Variants in DLGAP1 observed in about 807,000 individuals in gnomAD.
DLGAP1 encodes disks large-associated protein 1.
A neutral mutation model predicts 90.8 loss-of-function variants in DLGAP1; 11 were observed. The ratio of observed to expected loss-of-function variants is 0.12; its 90% confidence interval spans 0.08 to 0.20. The LOEUF (loss-of-function observed/expected upper bound fraction) is 0.20, where lower values mean the gene tolerates loss of function less well. DLGAP1 is among the 10% of genes least tolerant of loss of function. DLGAP1 has a pLI of 1.00. For synonymous variants in DLGAP1, 558 were observed against 540.7 expected (o/e 1.03, Z -0.44); for missense variants, 1,050 against 1,333.8 (o/e 0.79, Z 3.31).
intron 6 of DLGAP1, among the ~76,000 whole-genome samples, chr18:3,741,434 CCAT>C (rs993230064): frequency 4.0e-5 from 6 of 151,896 alleles, no homozygotes; most frequent in African/African-American, 7.3e-5. Flanking sequence ...ACCACCATCA[CCAT>C]CATCACTGCC....
At chr18:4,391,898 C>A (rs186097808) in intron 1 of DLGAP1, among the ~76,000 whole-genome samples, 16 of 152,290 alleles carry the variant, frequency 1.1e-4, no homozygotes, top group Admixed American at 9.8e-4. Flanking sequence ...ACCGTACCCT[C>A]TTTATTTGGT....
chr18:4,352,635 T>G (rs959780167), intron 1 of DLGAP1, among the ~76,000 whole-genome samples: 4 of 152,114 alleles, frequency 2.6e-5, no homozygotes, highest in Admixed American at 1.3e-4. Context: ...TTACCCACAC[T>G]TGACAACTTG....
At chr18:4,208,065 G>T (rs1288690174) in intron 1 of DLGAP1, among the ~76,000 whole-genome samples, 2 of 152,118 alleles carry the variant, frequency 1.3e-5, no homozygotes, top group Non-Finnish European at 2.9e-5. Context: ...TTCAGTGAAA[G>T]TACAGCTGCA....
At chr18:3,557,201 C>T (rs2053804218) in intron 9 of DLGAP1, among the ~76,000 whole-genome samples, 1 of 152,140 alleles carries the variant, frequency 6.6e-6, no homozygotes, top group Admixed American at 6.6e-5. Flanking sequence ...CTAACCACTG[C>T]TTTTGCCTCA....
At chr18:3,958,460 C>CAAAAAAAAA (rs71160925) in intron 3 of DLGAP1, among the ~76,000 whole-genome samples, 1 of 97,226 alleles carries the variant, frequency 1.0e-5, no homozygotes, top group African/African-American at 3.9e-5. Context: ...TTAGGATAAG[C>CAAAAAAAAA]AAAAAAAAAA....
chr18:4,042,524 T>C (rs2074990647), intron 2 of DLGAP1, among the ~76,000 whole-genome samples: 1 of 152,102 alleles, frequency 6.6e-6, no homozygotes, highest in Admixed American at 6.6e-5. Flanking sequence ...GATCACCTGA[T>C]GTCAGGAGTT....
At chr18:4,001,418 C>T (rs899899147) in intron 3 of DLGAP1, among the ~76,000 whole-genome samples, 2 of 151,940 alleles carry the variant, frequency 1.3e-5, no homozygotes, top group Non-Finnish European at 2.9e-5. Context: ...TTATTGTCTG[C>T]GGAGACATTA....
chr18:4,008,170 G>C (rs1327452558), intron 2 of DLGAP1, among the ~76,000 whole-genome samples: 1 of 151,646 alleles, frequency 6.6e-6, no homozygotes, highest in Admixed American at 6.6e-5. Context: ...CTCAGTGGAT[G>C]CCTGATGCCC....
chr18:3,842,962 G>A (rs1384858573), intron 4 of DLGAP1, among the ~76,000 whole-genome samples: 1 of 152,170 alleles, frequency 6.6e-6, no homozygotes, highest in African/African-American at 2.4e-5. Context: ...ACAAGGATGA[G>A]CTTCACGTGT....
chr18:3,911,222 T>C (rs2072026508), intron 3 of DLGAP1, among the ~76,000 whole-genome samples: 1 of 152,216 alleles, frequency 6.6e-6, no homozygotes, highest in Non-Finnish European at 1.5e-5. Context: ...GAAGTCTGGA[T>C]CTTATACATA....
intron 1 of DLGAP1, among the ~76,000 whole-genome samples, chr18:4,272,034 T>C (rs1232501601): frequency 3.9e-5 from 6 of 152,214 alleles, no homozygotes; most frequent in African/African-American, 1.4e-4. Context: ...TTTTCTTTCA[T>C]GACTGTATTC....
chr18:4,201,108 G>A (rs1568447705), intron 1 of DLGAP1, among the ~76,000 whole-genome samples: 2 of 149,012 alleles, frequency 1.3e-5, no homozygotes, highest in Non-Finnish European at 2.9e-5. Flanking sequence ...TTGTCTTTCT[G>A]TTGACGACTT....
At chr18:4,140,660 T>G (rs1446913391) in intron 2 of DLGAP1, among the ~76,000 whole-genome samples, 1 of 152,048 alleles carries the variant, frequency 6.6e-6, no homozygotes, top group African/African-American at 2.4e-5. Context: ...TGATTTATTG[T>G]TGCTCATCAA....
intron 7 of DLGAP1, among the ~76,000 whole-genome samples, chr18:3,612,512 G>A (rs78646733): frequency 6.6e-6 from 1 of 152,302 alleles, no homozygotes; most frequent in East Asian, 1.9e-4. Flanking sequence ...CACCAACGTG[G>A]TCAGATGATG....
chr18:3,635,054 G>T (rs76225526), intron 7 of DLGAP1, among the ~76,000 whole-genome samples: 38 of 152,000 alleles, frequency 2.5e-4, no homozygotes, highest in African/African-American at 9.2e-4. Context: ...GAAGATACAT[G>T]AAATGTCCAG....
chr18:3,615,007 C>T (rs1308300367), intron 7 of DLGAP1, among the ~76,000 whole-genome samples: 3 of 66 alleles, frequency 0.045, no homozygotes, highest in African/African-American at 0.071. Flanking sequence ...CCGCAACCTC[C>T]GCCTCCAGGT....
intron 1 of DLGAP1, among the ~76,000 whole-genome samples, chr18:4,249,594 T>G (rs896026978): frequency 2.0e-5 from 3 of 152,146 alleles, no homozygotes; most frequent in African/African-American, 7.2e-5. Context: ...AGTTTATTTA[T>G]TTTTTTCTTT....
chr18:3,977,782 G>A (rs1191551990), intron 3 of DLGAP1: 6 of 375,812 alleles, frequency 1.6e-5, no homozygotes, highest in African/African-American at 1.3e-4. Context: ...GGAAGAGTGG[G>A]TGATGCTGTT....
At chr18:4,179,098 A>G (rs2077164860) in intron 1 of DLGAP1, among the ~76,000 whole-genome samples, 1 of 152,236 alleles carries the variant, frequency 6.6e-6, no homozygotes, top group Non-Finnish European at 1.5e-5. Context: ...TTCGCAGGAC[A>G]ACAAAGCAGA....
Sources: allele counts gnomAD v4.1 joint callset (sites outside exome capture counted in the v4.1 genomes callset), GRCh38; gene constraint gnomAD v4.1.1; transcripts MANE v1.5; gene names NCBI Gene and HGNC (gene_info 2026-07-23, HGNC 2026-07-21).